Variants in ITGA8 observed in about 807,000 individuals in gnomAD.
ITGA8 encodes integrin subunit alpha 8, also known as integrin alpha-8.
A neutral mutation model predicts 142.3 loss-of-function variants in ITGA8; 91 were observed. The ratio of observed to expected loss-of-function variants is 0.64; its 90% CI spans 0.54 to 0.76. The LOEUF (loss-of-function observed/expected upper bound fraction) is 0.76. Among genes scored for constraint, ITGA8 ranks in the 30% least tolerant of loss-of-function variants. The pLI is 0.00. For synonymous variants in ITGA8, 505 were observed against 485.2 expected (o/e 1.04, Z -0.54); for missense variants, 1,406 against 1,327.7 (o/e 1.06, Z -0.92).
chr10:15,556,016 CTCTTTTTTTTTT>C (rs1833882009), intron 26 of ITGA8, among the ~76,000 whole-genome samples: 1 of 94,506 alleles, frequency 1.1e-5, no homozygotes. Context: ...GTCTCTCTCT[CTCTTTTTTTTTT>C]TTTTTTTTTT....
chr10:15,693,962 C>G (rs1387983854), intron 2 of ITGA8, among the ~76,000 whole-genome samples: 1 of 151,510 alleles, frequency 6.6e-6, no homozygotes, highest in Non-Finnish European at 1.5e-5. Context: ...CTTGGTATCA[C>G]CAGCTTAAGG....
chr10:15,630,203 C>T (rs1233965897), intron 13 of ITGA8, among the ~76,000 whole-genome samples: 3 of 152,034 alleles, frequency 2.0e-5, no homozygotes, highest in Non-Finnish European at 4.4e-5. Flanking sequence ...CATTCTCATT[C>T]TGCACAAACA....
chr10:15,660,420 CA>C (rs1403097023), intron 9 of ITGA8, among the ~76,000 whole-genome samples: 1 of 152,152 alleles, frequency 6.6e-6, no homozygotes, highest in Admixed American at 6.5e-5. Flanking sequence ...CGTAAGCAAG[CA>C]GCATGAATCG....
In ITGA8 at chr10:15,672,767, A is replaced by G; in HGVS notation, c.677-18T>C. 2 of 1,581,200 alleles carry G rather than the reference A, an allele frequency of 1.3e-6. No homozygotes were observed. Among genetic ancestry groups the G allele is most frequent in the Non-Finnish European group, 1.7e-6 (2 of 1,164,420 alleles). On this transcript the variant is annotated intron_variant, in intron 6 of 29. Coordinates refer to ENST00000378076, the MANE Select transcript of ITGA8 (RefSeq NM_003638.3). ...CACTTGTCCTGTGTTTAAACAAATT[A>G]ATACGTTAACTGAATGAAAGCAAGA...
At chr10:15,547,233 G>A (rs1379389464) in intron 27 of ITGA8, among the ~76,000 whole-genome samples, 1 of 152,108 alleles carries the variant, frequency 6.6e-6, no homozygotes, top group East Asian at 1.9e-4. Context: ...TTTCCAAAAT[G>A]AAACTCTCAT....
intron 27 of ITGA8, among the ~76,000 whole-genome samples, chr10:15,535,129 G>A (rs1416700516): frequency 2.6e-5 from 4 of 152,158 alleles, no homozygotes; most frequent in Non-Finnish European, 4.4e-5. Context: ...CCGGCCCACC[G>A]GTGCTGTGCT....
intron 13 of ITGA8, among the ~76,000 whole-genome samples, chr10:15,625,221 G>A (rs536660540): frequency 6.6e-6 from 1 of 152,258 alleles, no homozygotes; most frequent in South Asian, 2.1e-4. Context: ...TTTACTGGGG[G>A]ATTGTTTTCC....
At chr10:15,580,278 A>C (rs1834384655) in intron 23 of ITGA8, among the ~76,000 whole-genome samples, 1 of 152,134 alleles carries the variant, frequency 6.6e-6, no homozygotes, top group South Asian at 2.1e-4. Context: ...GTAACAACTT[A>C]GATGAAATAG....
Position 15,655,376 on chromosome 10 carries a change from C to T in ITGA8, c.979G>A (p.Val327Ile), listed in dbSNP as rs143077215. 1.4e-5 allele frequency: 23 copies of T among 1,609,312 alleles called. No individual in the cohort carries two copies. Among genetic ancestry groups the T allele is most frequent in the African/African-American group, 2.7e-5 (2 of 74,888 alleles). The change falls in exon 11 of 30, where the codon GTA (valine) becomes ATA (isoleucine). Residue 327 changes from valine (V) to isoleucine (I), a missense_variant. Coordinates refer to ENST00000378076, the MANE Select transcript of ITGA8 (RefSeq NM_003638.3). ...MASYFGYTVV[V>I]SDVNSDGLDD... ...TACCCATCACTGTTAACATCTGATA[C>T]GACAACGGTATATCCAAAATAAGAT...
chr10:15,644,500 T>G (rs1450777348), intron 12 of ITGA8, among the ~76,000 whole-genome samples: 1 of 115,594 alleles, frequency 8.7e-6, no homozygotes, highest in East Asian at 2.7e-4. Context: ...ATAGAATTTT[T>G]TTTTTTTTTT....
chr10:15,702,750 G>T (rs1047656272), intron 2 of ITGA8, among the ~76,000 whole-genome samples: 3 of 152,036 alleles, frequency 2.0e-5, no homozygotes, highest in Admixed American at 1.3e-4. Context: ...TTGCCAACTT[G>T]TTCAAATCAC....
At chr10:15,561,457 A>G (rs1328483380) in intron 25 of ITGA8, among the ~76,000 whole-genome samples, 1 of 152,092 alleles carries the variant, frequency 6.6e-6, no homozygotes, top group Non-Finnish European at 1.5e-5. Context: ...TTGTAAAAAA[A>G]GTAAATGAGA....
At chr10:15,522,144 C>T (rs897225075) in intron 28 of ITGA8, among the ~76,000 whole-genome samples, 13 of 152,272 alleles carry the variant, frequency 8.5e-5, no homozygotes, top group Non-Finnish European at 1.3e-4. Context: ...AATAGATATC[C>T]TAAATGCCCT....
intron 6 of ITGA8, among the ~76,000 whole-genome samples, chr10:15,673,054 TG>T (rs377432904): frequency 1.4e-3 from 209 of 152,268 alleles, no homozygotes; most frequent in African/African-American, 4.7e-3. Flanking sequence ...GTAAAATTTA[TG>T]TGATGTAATT....
chr10:15,613,457 C>A (rs1306912892), intron 15 of ITGA8, among the ~76,000 whole-genome samples: 1 of 152,186 alleles, frequency 6.6e-6, no homozygotes, highest in Non-Finnish European at 1.5e-5. Flanking sequence ...AGCATCATAT[C>A]ATAGGTTCTC....
intron 26 of ITGA8, among the ~76,000 whole-genome samples, chr10:15,551,961 T>C (rs1436732553): frequency 6.6e-6 from 1 of 152,032 alleles, no homozygotes; most frequent in Non-Finnish European, 1.5e-5. Flanking sequence ...ATTCGGAAGT[T>C]TAAAATTATC....
chr10:15,658,340 T>C (rs1320195639), intron 10 of ITGA8, among the ~76,000 whole-genome samples: 1 of 152,108 alleles, frequency 6.6e-6, no homozygotes, highest in Non-Finnish European at 1.5e-5. Context: ...CTTTATAGAC[T>C]ATTGAAAGAT....
chr10:15,587,789 G>T (rs768381336), intron 22 of ITGA8, among the ~76,000 whole-genome samples: 12 of 152,078 alleles, frequency 7.9e-5, no homozygotes, highest in Non-Finnish European at 1.6e-4. Flanking sequence ...GTTTGCTGGG[G>T]TTTTTTCTCT....
At chr10:15,579,723 A>G (rs779571375) in intron 23 of ITGA8, among the ~76,000 whole-genome samples, 1 of 152,090 alleles carries the variant, frequency 6.6e-6, no homozygotes, top group Non-Finnish European at 1.5e-5. Context: ...CAAAAATAAA[A>G]CATCGAGATT....
Sources: allele counts gnomAD v4.1 joint callset (sites outside exome capture counted in the v4.1 genomes callset), GRCh38; gene constraint gnomAD v4.1.1; transcripts MANE v1.5; gene names NCBI Gene and HGNC (gene_info 2026-07-23, HGNC 2026-07-21).